The following ABTB3 variants were observed in gnomAD, a reference collection of about 807,000 sequenced individuals.
ABTB3 encodes ankyrin repeat- and BTB/POZ domain-containing protein 3.
chr12:107,380,469 T>G, the ABTB3 span, among the ~76,000 whole-genome samples: 2 of 152,182 alleles, frequency 1.3e-5, no homozygotes, highest in Non-Finnish European at 2.9e-5. Flanking sequence ...GGGAACAGGC[T>G]GAGTGAACCT....
the ABTB3 span, among the ~76,000 whole-genome samples, chr12:107,553,804 G>A: frequency 3.5e-3 from 529 of 152,300 alleles, 2 homozygotes; most frequent in Non-Finnish European, 5.3e-3. Flanking sequence ...GGTAGGCATC[G>A]TGGCACATGC....
chr12:107,490,141 G>A, the ABTB3 span, among the ~76,000 whole-genome samples: 1 of 152,198 alleles, frequency 6.6e-6, no homozygotes, highest in Non-Finnish European at 1.5e-5. Flanking sequence ...ACATGACTGA[G>A]AGAGCAACCC....
the ABTB3 span, chr12:107,580,943 G>T: frequency 6.4e-7 from 1 of 1,551,626 alleles, no homozygotes; most frequent in South Asian, 1.2e-5. Flanking sequence ...CAGAGAGCCT[G>T]CCCCGGGGTC....
chr12:107,422,837 T>C, the ABTB3 span, among the ~76,000 whole-genome samples: 1 of 152,242 alleles, frequency 6.6e-6, no homozygotes, highest in African/African-American at 2.4e-5. Flanking sequence ...GGTTCCAGGA[T>C]TGCAAATTAT....
At chr12:107,510,626 C>A in the ABTB3 span, among the ~76,000 whole-genome samples, 1 of 152,036 alleles carries the variant, frequency 6.6e-6, no homozygotes, top group Non-Finnish European at 1.5e-5. Context: ...GGAAAGGTTT[C>A]TCTGATGGCT....
the ABTB3 span, among the ~76,000 whole-genome samples, chr12:107,360,910 T>C: frequency 6.7e-6 from 1 of 148,808 alleles, no homozygotes; most frequent in Non-Finnish European, 1.5e-5. Context: ...TGCGCCACCA[T>C]GCCCAGCTAA....
At chr12:107,520,909 A>G in the ABTB3 span, among the ~76,000 whole-genome samples, 1 of 152,224 alleles carries the variant, frequency 6.6e-6, no homozygotes, top group African/African-American at 2.4e-5. Flanking sequence ...TATAAACTAG[A>G]GAAAATATCA....
chr12:107,425,421 T>C, the ABTB3 span, among the ~76,000 whole-genome samples: 1 of 152,184 alleles, frequency 6.6e-6, no homozygotes, highest in Admixed American at 6.5e-5. Context: ...TTAGATAGGG[T>C]GAGGATTGCA....
At chr12:107,343,118 G>A in the ABTB3 span, among the ~76,000 whole-genome samples, 2 of 152,092 alleles carry the variant, frequency 1.3e-5, no homozygotes, top group Non-Finnish European at 2.9e-5. Context: ...AGGCCTAAGG[G>A]ATCTGCCCAT....
chr12:107,502,364 C>T, the ABTB3 span, among the ~76,000 whole-genome samples: 1 of 151,964 alleles, frequency 6.6e-6, no homozygotes, highest in South Asian at 2.1e-4. Flanking sequence ...GCCACCGTGC[C>T]CAGCCAGCAT....
chr12:107,515,210 T>G, the ABTB3 span, among the ~76,000 whole-genome samples: 1 of 152,026 alleles, frequency 6.6e-6, no homozygotes, highest in East Asian at 1.9e-4. Flanking sequence ...TGCTCAGGCC[T>G]CCAAGTCCCA....
At chr12:107,422,234 T>C in the ABTB3 span, among the ~76,000 whole-genome samples, 1 of 151,930 alleles carries the variant, frequency 6.6e-6, no homozygotes, top group Non-Finnish European at 1.5e-5. Context: ...ATGGACATGA[T>C]ATAAGCAAGG....
chr12:107,572,426 ACAG>A, the ABTB3 span, among the ~76,000 whole-genome samples: 1 of 152,040 alleles, frequency 6.6e-6, no homozygotes, highest in Non-Finnish European at 1.5e-5. Flanking sequence ...GTCTTTTGCT[ACAG>A]CAGCCATAGG....
chr12:107,642,676 C>T, the ABTB3 span, among the ~76,000 whole-genome samples: 343 of 152,196 alleles, frequency 2.3e-3, 1 homozygote, highest in Non-Finnish European at 3.7e-3. Flanking sequence ...GTGCGAAGTC[C>T]CAAAACTTTG....
chr12:107,407,556 G>T, the ABTB3 span, among the ~76,000 whole-genome samples: 2 of 152,200 alleles, frequency 1.3e-5, no homozygotes, highest in Non-Finnish European at 2.9e-5. Context: ...GCAAGGCCTC[G>T]TCAGCCTTGA....
chr12:107,526,216 G>C, the ABTB3 span, among the ~76,000 whole-genome samples: 2 of 152,200 alleles, frequency 1.3e-5, no homozygotes, highest in Non-Finnish European at 2.9e-5. Context: ...CAGGGACGTA[G>C]AGCTGAACCT....
At chr12:107,658,025 A>C in the ABTB3 span, 1 of 385,654 alleles carries the variant, frequency 2.6e-6, no homozygotes, top group Non-Finnish European at 4.8e-6. Flanking sequence ...GGCCTTTTAA[A>C]GGTCACTCAG....
the ABTB3 span, among the ~76,000 whole-genome samples, chr12:107,464,392 C>G: frequency 6.6e-6 from 1 of 152,078 alleles, no homozygotes; most frequent in Non-Finnish European, 1.5e-5. Flanking sequence ...CTCACTGCAG[C>G]TGCAAACTCC....
the ABTB3 span, among the ~76,000 whole-genome samples, chr12:107,391,875 A>C: frequency 1.3e-5 from 2 of 152,008 alleles, no homozygotes; most frequent in South Asian, 2.1e-4. Context: ...GGGTGTGTGC[A>C]TTTTCTAGGG....
Sources: gnomAD v4.1 joint callset for allele counts (sites outside exome capture counted in the v4.1 genomes callset) on GRCh38, gnomAD v4.1.1 for gene constraint, MANE v1.5 for transcripts, NCBI Gene and HGNC (gene_info 2026-07-23, HGNC 2026-07-21) for gene names.